Variants in DTNBP1 observed in about 807,000 individuals in gnomAD.
DTNBP1 encodes dysbindin.
A neutral mutation model predicts 42.8 loss-of-function variants in DTNBP1; 35 were observed. The ratio of observed to expected loss-of-function variants is 0.82; its 90% CI spans 0.63 to 1.09. The LOEUF is 1.09. Among genes scored for constraint, DTNBP1 ranks in the 50% least tolerant of loss-of-function variants. DTNBP1 has a pLI of 0.00. For synonymous variants in DTNBP1, 171 were observed against 162.2 expected, an observed-to-expected ratio of 1.05 and a Z score of -0.41; for missense variants, 457 against 424.2, an observed-to-expected ratio of 1.08 and a Z score of -0.68.
rs765265142 is a variant in DTNBP1 at position 15,524,159 on chromosome 6, A to C, written c.811+367T>G. 5.6e-6 allele frequency: 8 copies of C among 1,420,046 alleles called. No individual in the cohort carries two copies. In the South Asian group the frequency reaches 8.5e-5, roughly 15 times the overall value. The allele number at this position is 1,420,046 out of a possible 1,614,324, so 88.0% of individuals were successfully genotyped here. ...TAAATGCCTGTCGCACGAAGAGGGA[A>C]GAGTTTCCCGTGAGCCCCGCAGGAG... On this transcript the variant is annotated intron_variant, in intron 9 of 9. Coordinates refer to ENST00000344537, the MANE Select transcript of DTNBP1 (RefSeq NM_032122.5).
chr6:15,609,044 T>C (rs567357328), intron 6 of DTNBP1, among the ~76,000 whole-genome samples: 3 of 152,296 alleles, frequency 2.0e-5, no homozygotes, highest in African/African-American at 4.8e-5. Context: ...CTGAAACTCC[T>C]AGTACTCAAA....
chr6:15,658,524 G>GT (rs897413784), intron 1 of DTNBP1, among the ~76,000 whole-genome samples: 30 of 152,218 alleles, frequency 2.0e-4, no homozygotes, highest in South Asian at 6.2e-4. Flanking sequence ...ACAATAGCAG[G>GT]TTTTTTTATC....
At chr6:15,585,083 A>G (rs1264877958) in intron 7 of DTNBP1, among the ~76,000 whole-genome samples, 5 of 22,046 alleles carry the variant, frequency 2.3e-4, no homozygotes, top group Non-Finnish European at 6.1e-4. Flanking sequence ...ATATATATAT[A>G]TATATATATA....
chr6:15,621,885 C>T (rs1219489239), intron 5 of DTNBP1, among the ~76,000 whole-genome samples: 1 of 152,208 alleles, frequency 6.6e-6, no homozygotes, highest in African/African-American at 2.4e-5. Context: ...GCCCGCCCTC[C>T]TCCCACAGGG....
rs909211745 is a variant in DTNBP1 at position 15,604,690 on chromosome 6, C to T, written c.488+10577G>A. On this transcript the variant is annotated intron_variant, in intron 6 of 9. Transcript: ENST00000344537. ...ATACGCCATAATCTCTTAAATATAT[C>T]TGTTATACTTTGTTCTAAAGATTTT... is the stretch of plus-strand genomic sequence containing the variant. 4.6e-5 allele frequency among the ~76,000 whole-genome samples: 7 copies of T among 151,954 alleles called. 1 individual carries two copies. The highest frequency in any genetic ancestry group is 1.7e-4 in the African/African-American group (7 of 41,350).
At chr6:15,595,795 G>C (rs991038822) in intron 6 of DTNBP1, among the ~76,000 whole-genome samples, 13 of 152,188 alleles carry the variant, frequency 8.5e-5, no homozygotes, top group Admixed American at 2.0e-4. Context: ...ACAGACTTCA[G>C]AACAGCAATA....
At chr6:15,584,449 T>C (rs995853559) in intron 7 of DTNBP1, among the ~76,000 whole-genome samples, 8 of 152,060 alleles carry the variant, frequency 5.3e-5, no homozygotes, top group Non-Finnish European at 1.5e-5. Flanking sequence ...CACTTAATAA[T>C]GAATAAGAAT....
In DTNBP1 at chr6:15,626,622, T is replaced by C. The variant is rs544521846; in HGVS notation, c.355+721A>G. On this transcript the variant is annotated intron_variant, in intron 5 of 9. Transcript: ENST00000344537. Reference sequence around the variant, plus strand: ...TCCTTAGATGTGGCATCATCAAACATAAAAGATAATTTTCTGAATATAAAC... The same window carrying C: ...TCCTTAGATGTGGCATCATCAAACACAAAAGATAATTTTCTGAATATAAAC... Among the ~76,000 whole-genome samples the C allele has an allele frequency of 3.3e-5, 5 of 152,186 alleles. No individual in the cohort carries two copies. The South Asian group carries it at 6.2e-4, about 19-fold the overall frequency.
chr6:15,558,768 GT>G (rs1774669065), intron 7 of DTNBP1, among the ~76,000 whole-genome samples: 1 of 152,082 alleles, frequency 6.6e-6, no homozygotes, highest in Non-Finnish European at 1.5e-5. Context: ...TTTCTGTTTT[GT>G]TTTTCAGAGT....
intron 7 of DTNBP1, among the ~76,000 whole-genome samples, chr6:15,571,261 A>G (rs992199426): frequency 1.3e-5 from 2 of 152,244 alleles, no homozygotes; most frequent in East Asian, 3.8e-4. Flanking sequence ...AGAAACTCTC[A>G]TAACAAAAAG....
chr6:15,615,121 TA>T (rs143081101), intron 6 of DTNBP1, 145 bp downstream of exon 6: 4 of 1,292,844 alleles, frequency 3.1e-6, no homozygotes, highest in South Asian at 1.2e-5. Context: ...CAGTGGTTTT[TA>T]AAAAAAGTTT....
intron 9 of DTNBP1, 123 bp from the exon 10 acceptor site, chr6:15,523,342 G>A: frequency 7.2e-7 from 1 of 1,398,568 alleles, no homozygotes; most frequent in Non-Finnish European, 9.9e-7. Context: ...CCAGGCACCT[G>A]GGGCCTGCAG....
intron 7 of DTNBP1, among the ~76,000 whole-genome samples, chr6:15,552,046 C>T (rs1437178047): frequency 2.6e-5 from 4 of 152,126 alleles, no homozygotes. Flanking sequence ...ATCCTCATGG[C>T]TAAAAGTGGG....
At chr6:15,563,834 C>T (rs1186014255) in intron 7 of DTNBP1, among the ~76,000 whole-genome samples, 1 of 152,108 alleles carries the variant, frequency 6.6e-6, no homozygotes, top group Non-Finnish European at 1.5e-5. Context: ...GAGGCTGGGC[C>T]GAGGTTCCCG....
chr6:15,595,033 A>T (rs1581373047), intron 6 of DTNBP1: 6 of 441,136 alleles, frequency 1.4e-5, no homozygotes, highest in Non-Finnish European at 2.7e-5. Flanking sequence ...TCACCCTGCA[A>T]CCGTCTGTCT....
chr6:15,532,697 C>CTTTTT (rs373480713), intron 8 of DTNBP1, among the ~76,000 whole-genome samples: 17 of 93,112 alleles, frequency 1.8e-4, no homozygotes, highest in South Asian at 7.8e-4. Flanking sequence ...TGTTTGTAAT[C>CTTTTT]TTTTTTTTTT....
At chr6:15,626,532 C>G (rs1426389944) in intron 5 of DTNBP1, among the ~76,000 whole-genome samples, 4 of 152,174 alleles carry the variant, frequency 2.6e-5, no homozygotes, top group Non-Finnish European at 4.4e-5. Flanking sequence ...CTCATACAGA[C>G]AGCTCCTACC....
chr6:15,546,039 T>C (rs1350678058), intron 7 of DTNBP1: 1 of 446,786 alleles, frequency 2.2e-6, no homozygotes, highest in Non-Finnish European at 4.5e-6. Context: ...TGGCTGAATA[T>C]GGATCGGAAG....
rs1295451954 is a variant in DTNBP1 at position 15,583,732 on chromosome 6, A to G, written c.511+9327T>C. On this transcript the variant is annotated intron_variant, in intron 7 of 9. Coordinates refer to ENST00000344537, the MANE Select transcript of DTNBP1 (RefSeq NM_032122.5). ...GCTGTATTTATTCATGATACCAAAC[A>G]TTTATGATAGACAACAAAACGTTGT... is the stretch of plus-strand genomic sequence containing the variant. 7.9e-5 allele frequency among the ~76,000 whole-genome samples: 12 copies of G among 152,358 alleles called. No individual in the cohort carries two copies. The South Asian group carries it at 2.5e-3, about 32-fold the overall frequency.
Sources: allele counts gnomAD v4.1 joint callset (sites outside exome capture counted in the v4.1 genomes callset), GRCh38; gene constraint gnomAD v4.1.1; transcripts MANE v1.5; gene names NCBI Gene and HGNC (gene_info 2026-07-23, HGNC 2026-07-21).